CEP131: variants seen among roughly 807,000 people sequenced by gnomAD.
CEP131 encodes centrosomal protein of 131 kDa.
CEP131 carries 99 observed loss-of-function variants against 136.8 expected under a neutral mutation model. The observed-to-expected ratio is 0.72, with a 90% CI of 0.62 to 0.86. The LOEUF (loss-of-function observed/expected upper bound fraction) is 0.86. CEP131 is among the 40% of genes least tolerant of loss of function. CEP131 has a pLI of 0.00. For missense variants in CEP131, 1,459 were observed against 1,463.0 expected (o/e 1.00, Z 0.04); for synonymous variants, 646 against 612.7 (o/e 1.05, Z -0.80).
chr17:81,195,858 G>A lies in CEP131; in HGVS notation c.1993C>T (p.Gln665Ter). The A allele has an allele frequency of 6.2e-7, 1 of 1,606,466 alleles. No homozygotes were observed. The highest frequency in any genetic ancestry group is 8.5e-7 in the Non-Finnish European group (1 of 1,179,850). Residue 665 changes from glutamine to a stop codon, truncating the protein, a stop_gained, in exon 16 of 26, where the codon CAG becomes TAG. Coordinates refer to ENST00000450824, the MANE Select transcript of CEP131 (RefSeq NM_014984.4). LOFTEE classifies it high-confidence loss of function. The stretch of plus-strand genomic sequence containing the variant: ...ACCAGCTCGTGCTGCGCCTGTGCCT[G>A]GGCCACACGCTCGGTGCATCTCTGG... ...EDQRCTERVA[Q>*]AQAQHELEIK...
At chr17:81,220,114 G>C in intron 1 of CEP131, 41 bp from the exon 2 acceptor site, 1 of 1,451,174 alleles carries the variant, frequency 6.9e-7, no homozygotes, top group South Asian at 1.4e-5. Flanking sequence ...TGCCGTGGGG[G>C]AACTACAGTC....
At chr17:81,195,276 C>T (rs909052325) in intron 16 of CEP131, among the ~76,000 whole-genome samples, 10 of 152,118 alleles carry the variant, frequency 6.6e-5, no homozygotes, top group African/African-American at 2.2e-4. Flanking sequence ...CCAGAGCCTG[C>T]ATTCTTCCAT....
intron 5 of CEP131, among the ~76,000 whole-genome samples, chr17:81,206,537 C>T (rs965067001): frequency 3.3e-5 from 5 of 152,264 alleles, no homozygotes; most frequent in African/African-American, 1.2e-4. Flanking sequence ...AAGAGCAAAG[C>T]CTGGGCCGAG....
chr17:81,213,433 C>T (rs1336592548), intron 2 of CEP131, among the ~76,000 whole-genome samples: 2 of 152,084 alleles, frequency 1.3e-5, no homozygotes, highest in African/African-American at 4.8e-5. Context: ...GTGGCACACG[C>T]CTGTAGTTCT....
chr17:81,193,944 C>T lies in CEP131; in HGVS notation c.2303G>A (p.Arg768His), dbSNP rs138784674. Residue 768 changes from arginine to histidine, a missense_variant, in exon 18 of 26, where the codon CGC (arginine) becomes CAC (histidine). Transcript: ENST00000450824. ...CACCCACCGCTGCCGAGCACGTTCG[C>T]GCTCCTGCTGGCCCAGCGCCTCCTT... ...REKEALGQQE[R>H]ERARQRFQQH... 1,904 of 1,539,062 alleles carry T rather than the reference C, an allele frequency of 1.2e-3. 45 individuals are homozygous for T. In the East Asian group the frequency reaches 0.041, roughly 33 times the overall value.
At chr17:81,197,511 C>T (rs919185483) in intron 13 of CEP131, 37 of 782,678 alleles carry the variant, frequency 4.7e-5, no homozygotes, top group Admixed American at 1.5e-4. Flanking sequence ...CTGAGAGACC[C>T]GTGGGGGGTG....
chr17:81,207,066 G>T (rs2146642754), intron 4 of CEP131, 59 bp downstream of exon 4: 1 of 1,564,516 alleles, frequency 6.4e-7, no homozygotes, highest in Middle Eastern at 1.7e-4. Context: ...AACAAATTAG[G>T]AACCAGGCCA....
At position 81,194,988 on chromosome 17, in the gene CEP131, G is replaced by A. The variant is rs1199558289; in HGVS notation, c.2017-16C>T. On this transcript the variant is annotated splice_polypyrimidine_tract_variant and intron_variant, in intron 16 of 25. Transcript: ENST00000450824. ...TTTTAATCTCCTACGAGCAGAACAGGGCAGGAGGAAACGACACGAAGGACA... is the reference window on the plus strand; with the variant it reads ...TTTTAATCTCCTACGAGCAGAACAGAGCAGGAGGAAACGACACGAAGGACA... 6.2e-6 allele frequency: 10 copies of A among 1,601,036 alleles called. No homozygotes were observed. Among genetic ancestry groups the A allele is most frequent in the African/African-American group, 1.3e-5 (1 of 74,618 alleles).
chr17:81,216,421 C>T (rs1225920273), intron 2 of CEP131, among the ~76,000 whole-genome samples: 1 of 152,084 alleles, frequency 6.6e-6, no homozygotes, highest in East Asian at 1.9e-4. Context: ...ATCCATGCTA[C>T]TCAGGATGCT....
chr17:81,208,195 T>G lies in CEP131; in HGVS notation c.272+733A>C, dbSNP rs1175602014. On this transcript the variant is annotated intron_variant, in intron 3 of 25. Transcript: ENST00000450824. This position sits in a 1 kb window ranked among gnomAD's most constrained non-coding sequence, Gnocchi z 5.6. ...GGTGGGACTCCACGAAGCTAGTTGC[T>G]GAGCTAAGAGCGGCTCCCGGAGGCT... 6.6e-6 allele frequency among the ~76,000 whole-genome samples: 1 copy of G among 151,592 alleles called. No individual in the cohort carries two copies. The highest frequency in any genetic ancestry group is 1.5e-5 in the Non-Finnish European group (1 of 67,864).
At position 81,219,017 on chromosome 17, in the gene CEP131, T is replaced by C. The variant is rs1420842219; in HGVS notation, c.177+863A>G. 1.3e-5 allele frequency among the ~76,000 whole-genome samples: 2 copies of C among 152,236 alleles called. No individual in the cohort carries two copies. The highest frequency in any genetic ancestry group is 2.9e-5 in the Non-Finnish European group (2 of 68,030). On this transcript the variant is annotated intron_variant, in intron 2 of 25. Coordinates refer to ENST00000450824, the MANE Select transcript of CEP131 (RefSeq NM_014984.4). The surrounding 1 kb of genome is among the most constrained non-coding windows in gnomAD (Gnocchi z 4.0). ...CTCAGGCCAGACTCTGGTCAGGCTC[T>C]GCCCCAACCCCCACAGAGCGGCTCG...
At chr17:81,192,062 G>A (rs1458401933) in intron 21 of CEP131, among the ~76,000 whole-genome samples, 1 of 152,084 alleles carries the variant, frequency 6.6e-6, no homozygotes, top group Non-Finnish European at 1.5e-5. Flanking sequence ...CTAGCGAGAG[G>A]GGCAACGCCT....
rs748325085 is a variant in CEP131, at chr17:81,220,080, G to C, written c.-17-7C>G. On this transcript the variant is annotated splice_region_variant and splice_polypyrimidine_tract_variant and intron_variant, in intron 1 of 25. Coordinates refer to ENST00000450824, the MANE Select transcript of CEP131 (RefSeq NM_014984.4). ...ATGGTGGACAAGGCAGGTCCTGAGC[G>C]GGGAAGCAAGAGCTGCAATGAGATG... The C allele has an allele frequency of 3.3e-6, 5 of 1,508,946 alleles. No homozygotes were observed. The highest frequency in any genetic ancestry group is 4.4e-6 in the Non-Finnish European group (5 of 1,130,880). The allele number at this position is 1,508,946 out of a possible 1,614,324, so 93.5% of individuals were successfully genotyped here. A position where few individuals can be genotyped will look rare whatever the true frequency, so the allele number is the denominator to read the frequency against.
Position 81,198,965 on chromosome 17 carries a change from C to A in CEP131, c.1199G>T (p.Gly400Val). ...QALKANNTGG[G>V]LPAAGPGDRC... ...GTCTCCGGGGCCTGCAGCAGGGAGG[C>A]CACCACCTGCACAGCAGAACACAGC... The change falls in exon 11 of 26, where the codon GGC becomes GTC. Residue 400 changes from glycine to valine, a missense_variant. By Grantham distance (109) the Gly-to-Val change is moderately radical (BLOSUM62 -3). This residue lies in a region of CEP131 where 1,026 missense variants were observed against 964.2 expected (regional missense o/e 1.06). Coordinates refer to ENST00000450824, the MANE Select transcript of CEP131 (RefSeq NM_014984.4). The A allele has an allele frequency of 6.4e-7, 1 of 1,565,406 alleles. No homozygotes were observed. The highest frequency in any genetic ancestry group is 1.3e-5 in the African/African-American group (1 of 74,126).
rs146799033 is a variant in CEP131 at position 81,207,008 on chromosome 17, T to A, written c.387+117A>T. The A allele has an allele frequency of 4.9e-4, 741 of 1,518,290 alleles. 4 individuals carry two copies. Among genetic ancestry groups the A allele is most frequent in the South Asian group, 8.1e-4 (64 of 79,268 alleles). The allele number at this position is 1,518,290 out of a possible 1,614,324, so 94.1% of individuals were successfully genotyped here. A position where few individuals can be genotyped will look rare whatever the true frequency, so the allele number is the denominator to read the frequency against. ...ATGTCCTGGGGTCTGCCATGTCAGA[T>A]CTAAGCTTGACACCCTCCCTGCAGT... On this transcript the variant is annotated intron_variant, in intron 4 of 25. Transcript: ENST00000450824.
chr17:81,189,916 T>C lies in CEP131; in HGVS notation c.3167A>G (p.Glu1056Gly). The C allele has an allele frequency of 3.7e-6, 6 of 1,612,788 alleles. No homozygotes were observed. The highest frequency in any genetic ancestry group is 5.1e-6 in the Non-Finnish European group (6 of 1,179,640). Reference sequence around the variant, plus strand: ...GCAGGGCTGGCCACAGGGACTCACCTCATGTTGTGTCCGGAGGCTGCTCAC... The same window carrying C: ...GCAGGGCTGGCCACAGGGACTCACCCCATGTTGTGTCCGGAGGCTGCTCAC... ...EAVSSLRTQH[E>G]AAVKRADHLE... The change falls in exon 25 of 26, where the codon GAG becomes GGG. Residue 1056 changes from glutamate (E) to glycine (G), a missense_variant and splice_region_variant. This residue lies in a region of CEP131 where 1,026 missense variants were observed against 964.2 expected (regional missense o/e 1.06). Coordinates refer to ENST00000450824, the MANE Select transcript of CEP131 (RefSeq NM_014984.4).
rs796208878 is a variant in CEP131 at position 81,219,469 on chromosome 17, T to C, written c.177+411A>G. Among the ~76,000 whole-genome samples, 11 of 152,106 alleles carry C rather than the reference T, an allele frequency of 7.2e-5. No individual in the cohort carries two copies. The highest frequency in any genetic ancestry group is 2.4e-4 in the African/African-American group (10 of 41,500). On this transcript the variant is annotated intron_variant, in intron 2 of 25. Coordinates refer to ENST00000450824, the MANE Select transcript of CEP131 (RefSeq NM_014984.4). This position sits in a 1 kb window ranked among gnomAD's most constrained non-coding sequence, Gnocchi z 4.0. ...CCACCATGCCCGGCTAATTTTTTTTTGTATCTTTAGTAGAGACGGAGTTTC... is the reference window on the plus strand; with the variant it reads ...CCACCATGCCCGGCTAATTTTTTTTCGTATCTTTAGTAGAGACGGAGTTTC...
intron 2 of CEP131, among the ~76,000 whole-genome samples, chr17:81,213,809 G>T (rs2062186041): frequency 6.6e-6 from 1 of 152,178 alleles, no homozygotes; most frequent in Non-Finnish European, 1.5e-5. Context: ...AGGTCACATG[G>T]ACAGTGTGGA....
chr17:81,192,112 T>G (rs1196217328), intron 21 of CEP131, among the ~76,000 whole-genome samples: 2 of 152,040 alleles, frequency 1.3e-5, no homozygotes, highest in Non-Finnish European at 1.5e-5. Context: ...GCACCCTTGA[T>G]CCTTCCAGAG....
Sources: gnomAD v4.1 joint callset for allele counts (sites outside exome capture counted in the v4.1 genomes callset) on GRCh38, gnomAD v4.1.1 for gene constraint, gnomAD v4.1.1 regional missense constraint, Gnocchi (gnomAD v3.1) non-coding constraint, MANE v1.5 for transcripts, NCBI Gene and HGNC (gene_info 2026-07-23, HGNC 2026-07-21) for gene names.